Variants in RNASET2 observed in about 807,000 individuals in gnomAD.
RNASET2 encodes the protein ribonuclease T2.
In RNASET2, 28 loss-of-function variants were observed where a neutral mutation model predicts 33.9. That is an observed-to-expected ratio of 0.83 (90% CI 0.61 to 1.13). The LOEUF (loss-of-function observed/expected upper bound fraction) is 1.13, where lower values mean the gene tolerates loss of function less well. Ranked by LOEUF, RNASET2 falls within the 50% of genes most tolerant of loss-of-function variation. The probability of loss-of-function intolerance (pLI) is 0.00; values close to 1 mark genes in which losing one functional copy is unlikely to be tolerated. For synonymous variants in RNASET2, 123 were observed against 121.0 expected, an observed-to-expected ratio of 1.02 and a Z score of -0.11; for missense variants, 330 against 319.9, an observed-to-expected ratio of 1.03 and a Z score of -0.24.
chr6:166,951,020 A>G (rs953671845), intron 2 of RNASET2, among the ~76,000 whole-genome samples: 6 of 152,186 alleles, frequency 3.9e-5, no homozygotes, highest in African/African-American at 1.4e-4. Context: ...GGAGACCAGT[A>G]GTGGCCCCGA....
intron 6 of RNASET2, chr6:166,935,067 G>A (rs1188227233): frequency 6.6e-6 from 1 of 152,120 alleles, no homozygotes; most frequent in Non-Finnish European, 1.5e-5. Flanking sequence ...ATAACTTATT[G>A]TCAGACTGTC....
At chr6:166,949,390 C>T (rs1351639191) in intron 2 of RNASET2, among the ~76,000 whole-genome samples, 2 of 146,956 alleles carry the variant, frequency 1.4e-5, no homozygotes, top group African/African-American at 5.0e-5. Context: ...AGTTCCAGCT[C>T]CTCAGGAGGC....
At chr6:166,946,499 G>T (rs1778848943) in intron 4 of RNASET2, 183 bp downstream of exon 4, 2 of 620,250 alleles carry the variant, frequency 3.2e-6, no homozygotes. Context: ...GAGGGAAAAG[G>T]TCAATTGGTG....
Position 166,928,458 on chromosome 6 carries a change from T to TG in RNASET2, c.*1129dup, listed in dbSNP as rs59488474. Among the ~76,000 whole-genome samples the TG allele has an allele frequency of 1.6e-3, 240 of 151,950 alleles. 1 individual carries two copies. Among genetic ancestry groups the TG allele is most frequent in the Non-Finnish European group, 3.0e-3 (206 of 67,946 alleles). On this transcript the variant is annotated 3_prime_UTR_variant, in exon 9 of 9. Transcript: ENST00000508775. ...TTGATACAGCTGTTTTTTTTTTTTT[T>TG]GTAAATTATGCTGACAATATGGTTA...
intron 6 of RNASET2, chr6:166,935,242 T>A (rs1778538422): frequency 6.9e-6 from 1 of 145,440 alleles, no homozygotes; most frequent in Non-Finnish European, 1.5e-5. Context: ...AACTAGCTTA[T>A]TAATTTTTTA....
At chr6:166,930,556 A>T (rs1043108441) in intron 8 of RNASET2, among the ~76,000 whole-genome samples, 1 of 149,124 alleles carries the variant, frequency 6.7e-6, no homozygotes, top group Non-Finnish European at 1.5e-5. Flanking sequence ...ATGCATGTTC[A>T]CACAGAGAAC....
chr6:166,927,563 G>A lies in RNASET2; in HGVS notation c.*2025C>T, dbSNP rs1171630389. The stretch of plus-strand genomic sequence containing the variant: ...TAAAAACCGCAAAGGCCAGCCGACT[G>A]CAGACAGCCTCTGAAGAGCTGCTTT... On this transcript the variant is annotated 3_prime_UTR_variant, in exon 9 of 9. Transcript: ENST00000508775. 6.6e-6 allele frequency among the ~76,000 whole-genome samples: 1 copy of A among 151,936 alleles called. No homozygotes were observed. The highest frequency in any genetic ancestry group is 1.5e-5 in the Non-Finnish European group (1 of 68,010).
At chr6:166,945,958 C>T (rs531054814) in intron 4 of RNASET2, among the ~76,000 whole-genome samples, 3 of 152,224 alleles carry the variant, frequency 2.0e-5, no homozygotes, top group African/African-American at 7.2e-5. Context: ...TGCTACCACA[C>T]GTTTTAAAGA....
rs372867251 is a variant in RNASET2 at position 166,949,496 on chromosome 6, A to G, written c.148-871T>C. ...AGCCTGGGTGATAGAGCAAGACTCC[A>G]TCTCAAAAAAAAAAAAAAAAAAAAA... is the stretch of plus-strand genomic sequence containing the variant. On this transcript the variant is annotated intron_variant, in intron 2 of 8. Transcript: ENST00000508775. Among the ~76,000 whole-genome samples the G allele has an allele frequency of 9.5e-3, 1,106 of 116,606 alleles. 25 individuals are homozygous for G. Among genetic ancestry groups the G allele is most frequent in the African/African-American group, 0.039 (1,021 of 26,236 alleles). The allele number at this position is 116,606 out of a possible 152,430, so 76.5% of individuals were successfully genotyped here. A position where few individuals can be genotyped will look rare whatever the true frequency, so the allele number is the denominator to read the frequency against.
chr6:166,937,481 G>C (rs1778596469), intron 6 of RNASET2, among the ~76,000 whole-genome samples: 1 of 152,180 alleles, frequency 6.6e-6, no homozygotes, highest in African/African-American at 2.4e-5. Context: ...TGTTAGGTGA[G>C]AAAATGTTTC....
rs1243473394 is a variant in RNASET2, at chr6:166,955,241, A to G, written c.86+856T>C. On this transcript the variant is annotated intron_variant, in intron 1 of 8. Transcript: ENST00000508775. ...CACACGCGCACACACGCACGCACGC[A>G]CACACACGCACACACGCACACACAC... Among the ~76,000 whole-genome samples, 229 of 122,490 alleles carry G rather than the reference A, an allele frequency of 1.9e-3. 3 individuals are homozygous for G. Among genetic ancestry groups the G allele is most frequent in the African/African-American group, 6.8e-3 (185 of 27,194 alleles). The allele number at this position is 122,490 out of a possible 152,430, so 80.4% of individuals were successfully genotyped here.
At position 166,929,763 on chromosome 6, in the gene RNASET2, A is replaced by G. The variant is rs1175562744; in HGVS notation, c.596T>C (p.Ile199Thr). 7 of 1,614,012 alleles carry G rather than the reference A, an allele frequency of 4.3e-6. No individual in the cohort carries two copies. In the African/African-American group the frequency reaches 5.3e-5, roughly 12 times the overall value. The change falls in exon 9 of 9, where the codon ATA becomes ACA. Residue 199 changes from isoleucine (I) to threonine (T), a missense_variant. Physicochemically the swap from Ile to Thr is moderately conservative, Grantham distance 89. Transcript: ENST00000508775. Reference sequence around the variant, plus strand: ...GTCTTGCTTAGTGAGGCACAGTTCTATCTGACCAATTGTCTGTACTTCCTC... The same window carrying G: ...GTCTTGCTTAGTGAGGCACAGTTCTGTCTGACCAATTGTCTGTACTTCCTC... ...QDEEVQTIGQ[I>T]ELCLTKQDQQ...
At chr6:166,955,409 G>A (rs950349760) in intron 1 of RNASET2, 5 of 668,360 alleles carry the variant, frequency 7.5e-6, no homozygotes, top group Non-Finnish European at 8.9e-6. Context: ...ACACACACAC[G>A]CGCACACACA....
At chr6:166,948,429 G>T in intron 3 of RNASET2, 141 bp downstream of exon 3, 1 of 716,462 alleles carries the variant, frequency 1.4e-6, no homozygotes. Context: ...AAAGACTAAA[G>T]ATATTTTTAA....
Position 166,933,586 on chromosome 6 carries a change from A to G in RNASET2, c.492+505T>C, listed in dbSNP as rs1422368845. The G allele has an allele frequency of 5.9e-6, 1 of 170,900 alleles. No individual in the cohort carries two copies. Among genetic ancestry groups the G allele is most frequent in the Non-Finnish European group, 1.2e-5 (1 of 80,020 alleles). The allele number at this position is 170,900 out of a possible 1,614,324, so 10.6% of individuals were successfully genotyped here. On this transcript the variant is annotated intron_variant, in intron 7 of 8. Coordinates refer to ENST00000508775, the MANE Select transcript of RNASET2 (RefSeq NM_003730.6). The surrounding 1 kb of genome is among the most constrained non-coding windows in gnomAD (Gnocchi z 4.1). Reference sequence around the variant, plus strand: ...GGCTGGTCTCGAAATTCTAGCCACAAGCAATCCTCCAGCCTGAGCCTCCCA... The same window carrying G: ...GGCTGGTCTCGAAATTCTAGCCACAGGCAATCCTCCAGCCTGAGCCTCCCA...
chr6:166,954,728 C>G (rs1176063398), intron 1 of RNASET2, among the ~76,000 whole-genome samples: 2 of 152,156 alleles, frequency 1.3e-5, no homozygotes, highest in Non-Finnish European at 2.9e-5. Flanking sequence ...AAAAGTAAAA[C>G]CCTGGCCGGG....
chr6:166,931,092 GGCAA>G lies in RNASET2; in HGVS notation c.515_518del (p.Leu172ProfsTer6), dbSNP rs1431129170. The G allele has an allele frequency of 6.2e-7, 1 of 1,611,726 alleles. No homozygotes were observed. Among genetic ancestry groups the G allele is most frequent in the Admixed American group, 1.7e-5 (1 of 60,024 alleles). On this transcript the variant is annotated frameshift_variant, in exon 8 of 9. Transcript: ENST00000508775. LOFTEE classifies it low-confidence loss of function (END_TRUNC). Reference sequence around the variant, plus strand: ...TTTTGGGTATCACTCCATATACTCTGGCAAGGGCATCTTTAAAATCTGCAACCTG... The same window carrying G: ...TTTTGGGTATCACTCCATATACTCTGGGGCATCTTTAAAATCTGCAACCTG...
At chr6:166,932,868 G>A (rs1351283431) in intron 7 of RNASET2, 1 of 152,132 alleles carries the variant, frequency 6.6e-6, no homozygotes, top group Non-Finnish European at 1.5e-5. Context: ...TGAGGACGGT[G>A]AGGGCCCTGC....
chr6:166,924,364 G>A lies in RNASET2; in HGVS notation c.*5224C>T, dbSNP rs2128642611. 6.6e-6 allele frequency among the ~76,000 whole-genome samples: 1 copy of A among 152,320 alleles called. No individual in the cohort carries two copies. The highest frequency in any genetic ancestry group is 2.1e-4 in the South Asian group (1 of 4,828). The stretch of plus-strand genomic sequence containing the variant: ...TCCGCCTGCCTTGGCCTCCCAAAGT[G>A]CTGGTATTACAGGCATGAGCCACCA... On this transcript the variant is annotated 3_prime_UTR_variant, in exon 9 of 9. Transcript: ENST00000508775.
Sources: allele counts gnomAD v4.1 joint callset (sites outside exome capture counted in the v4.1 genomes callset), GRCh38; gene constraint gnomAD v4.1.1; non-coding constraint Gnocchi (gnomAD v3.1); transcripts MANE v1.5; gene names NCBI Gene and HGNC (gene_info 2026-07-23, HGNC 2026-07-21).